The following ADAMTS15 variants were observed in gnomAD, a reference collection of about 807,000 sequenced individuals.
ADAMTS15 encodes ADAM metallopeptidase with thrombospondin type 1 motif 15.
ADAMTS15 carries 35 observed loss-of-function variants against 79.1 expected under a neutral mutation model. That is an observed-to-expected ratio of 0.44 (90% CI 0.34 to 0.59). The LOEUF is 0.59. ADAMTS15 is among the 20% of genes least tolerant of loss of function. The pLI is 0.02. For synonymous variants in ADAMTS15, 616 were observed against 567.3 expected (o/e 1.09, Z -1.22); for missense variants, 1,324 against 1,318.7 (o/e 1.00, Z -0.06).
At chr11:130,454,847 G>A (rs952646905) in intron 1 of ADAMTS15, among the ~76,000 whole-genome samples, 4 of 152,140 alleles carry the variant, frequency 2.6e-5, no homozygotes, top group Non-Finnish European at 2.9e-5. Flanking sequence ...ATTTTTAACC[G>A]CTGGTCTAGT....
At chr11:130,469,241 A>G (rs1938371116) in intron 4 of ADAMTS15, 21 bp from the exon 5 acceptor site, 2 of 1,380,552 alleles carry the variant, frequency 1.4e-6, no homozygotes, top group Admixed American at 3.0e-5. Flanking sequence ...ACCAAGGAAT[A>G]TAACAGGCTC....
intron 1 of ADAMTS15, among the ~76,000 whole-genome samples, chr11:130,452,850 T>A (rs35318726): frequency 1.3e-5 from 2 of 151,372 alleles, no homozygotes; most frequent in South Asian, 2.1e-4. Context: ...GCGTGGTGGC[T>A]CACGCCTGTA....
In ADAMTS15 at chr11:130,470,119, CATATATATATATACATATATAT is replaced by C. The variant is rs1565397433; in HGVS notation, c.1720+691_1720+712del. 4.4e-4 allele frequency among the ~76,000 whole-genome samples: 28 copies of C among 64,022 alleles called. 5 individuals are homozygous for C. The highest frequency in any genetic ancestry group is 9.8e-3 in the Middle Eastern group (1 of 102). 42.0% of individuals were successfully genotyped at this position (64,022 alleles called of 152,430 possible). On this transcript the variant is annotated intron_variant, in intron 5 of 7. Transcript: ENST00000299164. ...GTAGTTATCAGGTTCATTACTGAAT[CATATATATATATACATATATAT>C]ATATATATATGTGTATATATATATA...
In ADAMTS15 at chr11:130,450,774, C is replaced by T. The variant is rs1937947517; in HGVS notation, c.957+844C>T. ...GATGTATACTACAGAGCAGAGCGGG[C>T]ATGCTTGCTCCTGCTCCCAAGTCAC... On this transcript the variant is annotated intron_variant, in intron 1 of 7. Coordinates refer to ENST00000299164, the MANE Select transcript of ADAMTS15 (RefSeq NM_139055.4). 2.0e-5 allele frequency among the ~76,000 whole-genome samples: 3 copies of T among 152,168 alleles called. No individual in the cohort carries two copies. In the South Asian group the frequency reaches 6.2e-4, roughly 32 times the overall value.
Position 130,469,356 on chromosome 11 carries a change from C to T in ADAMTS15, c.1637C>T (p.Pro546Leu), listed in dbSNP as rs1246620544. Residue 546 changes from proline (P) to leucine (L), a missense_variant, in exon 5 of 8, where the codon CCC becomes CTC. Physicochemically the swap from Pro to Leu is moderately conservative, Grantham distance 98. Transcript: ENST00000299164. ...VQLARRQCTN[P>L]TPANGGKYCE... is the part of the protein sequence containing the mutation. ...CTGGCCAGGAGGCAGTGCACCAACC[C>T]CACCCCTGCCAACGGGGGCAAGTAC... 3.7e-6 allele frequency: 5 copies of T among 1,358,782 alleles called. No homozygotes were observed. The highest frequency in any genetic ancestry group is 3.0e-5 in the Admixed American group (1 of 32,998). 84.2% of individuals were successfully genotyped at this position (1,358,782 alleles called of 1,614,324 possible).
chr11:130,473,425 T>C lies in ADAMTS15; in HGVS notation c.2457T>C (p.Ser819=). 1.2e-6 allele frequency: 2 copies of C among 1,612,804 alleles called. No homozygotes were observed. Among genetic ancestry groups the C allele is most frequent in the Non-Finnish European group, 1.7e-6 (2 of 1,179,984 alleles). The part of the protein sequence containing the change: ...SSHPKDPRGP[S]VLHNSVLSLS... ...ATCCCAAGGACCCCCGGGGACCCTC[T>C]GTCTTGCACAACAGCGTCCTCAGCC... The change falls in exon 8 of 8, where the codon TCT becomes TCC. Residue 819 remains serine (S), a synonymous_variant. Coordinates refer to ENST00000299164, the MANE Select transcript of ADAMTS15 (RefSeq NM_139055.4).
Position 130,469,394 on chromosome 11 carries a change from A to C in ADAMTS15, c.1675A>C (p.Arg559=), listed in dbSNP as rs749860590. The change falls in exon 5 of 8, where the codon AGG becomes CGG. Residue 559 remains arginine (R), a synonymous_variant. Coordinates refer to ENST00000299164, the MANE Select transcript of ADAMTS15 (RefSeq NM_139055.4). The part of the protein sequence containing the change: ...ANGGKYCEGV[R]VKYRSCNLEP... The stretch of plus-strand genomic sequence containing the variant: ...CGGGGGCAAGTACTGCGAGGGAGTG[A>C]GGGTGAAATACCGATCCTGCAATCT... 5.2e-6 allele frequency: 7 copies of C among 1,351,868 alleles called. No homozygotes were observed. Among genetic ancestry groups the C allele is most frequent in the Non-Finnish European group, 6.7e-6 (7 of 1,042,994 alleles). 83.7% of individuals were successfully genotyped at this position (1,351,868 alleles called of 1,614,324 possible). A position where few individuals can be genotyped will look rare whatever the true frequency, so the allele number is the denominator to read the frequency against.
intron 5 of ADAMTS15, among the ~76,000 whole-genome samples, chr11:130,470,131 T>TATATAC (rs1239990394): frequency 1.1e-5 from 1 of 87,678 alleles, no homozygotes; most frequent in African/African-American, 5.4e-5. Context: ...TATATATATA[T>TATATAC]ACATATATAT....
In ADAMTS15 at chr11:130,462,881, C is replaced by G; in HGVS notation, c.1542+101C>G. ...GTCTTCACCAGGAAGGTGCCTATCA[C>G]AGACTGGCCACGGGACCAGCACTGT... On this transcript the variant is annotated intron_variant, in intron 4 of 7. Coordinates refer to ENST00000299164, the MANE Select transcript of ADAMTS15 (RefSeq NM_139055.4). The surrounding 1 kb of genome is among the most constrained non-coding windows in gnomAD (Gnocchi z 4.3). 6.8e-7 allele frequency: 1 copy of G among 1,478,266 alleles called. No homozygotes were observed. Among genetic ancestry groups the G allele is most frequent in the South Asian group, 1.4e-5 (1 of 72,960 alleles). The allele number at this position is 1,478,266 out of a possible 1,614,324, so 91.6% of individuals were successfully genotyped here.
At chr11:130,458,399 A>G (rs1565392952) in intron 1 of ADAMTS15, among the ~76,000 whole-genome samples, 1 of 151,948 alleles carries the variant, frequency 6.6e-6, no homozygotes, top group Non-Finnish European at 1.5e-5. Context: ...GGGGAACAGG[A>G]CTCTGAATCT....
rs1938575880 is a variant in ADAMTS15, at chr11:130,475,922, G to A, written c.*2101G>A. On this transcript the variant is annotated 3_prime_UTR_variant, in exon 8 of 8. Coordinates refer to ENST00000299164, the MANE Select transcript of ADAMTS15 (RefSeq NM_139055.4). Reference sequence around the variant, plus strand: ...GGTGGGAAGAGAGGTGCCATCGGTAGGAGGCTGGCCTCCAGTAGAGGAGAG... The same window carrying A: ...GGTGGGAAGAGAGGTGCCATCGGTAAGAGGCTGGCCTCCAGTAGAGGAGAG... 1 of 152,306 alleles carries A rather than the reference G, an allele frequency of 6.6e-6. No individual in the cohort carries two copies. Among genetic ancestry groups the A allele is most frequent in the Non-Finnish European group, 1.5e-5 (1 of 68,114 alleles). The allele number at this position is 152,306 out of a possible 1,614,324, so 9.4% of individuals were successfully genotyped here.
chr11:130,460,097 A>T (rs1046390007), intron 1 of ADAMTS15, among the ~76,000 whole-genome samples: 1 of 152,226 alleles, frequency 6.6e-6, no homozygotes, highest in Non-Finnish European at 1.5e-5. Context: ...AACTATAGGC[A>T]TGAGCCTAGT....
In ADAMTS15 at chr11:130,449,568, G is replaced by A. The variant is rs1348878140; in HGVS notation, c.595G>A (p.Gly199Arg). ...TTACAAGCCGCGGCGGGCGGGCTTCGGGGAGAGTCGTAGCCGGCGCAGGTC... is the reference window on the plus strand; with the variant it reads ...TTACAAGCCGCGGCGGGCGGGCTTCAGGGAGAGTCGTAGCCGGCGCAGGTC... ...DPYKPRRAGF[G>R]ESRSRRRSGR... The change falls in exon 1 of 8, where the codon GGG becomes AGG. Residue 199 changes from glycine to arginine, a missense_variant. Transcript: ENST00000299164. The surrounding 1 kb of genome is among the most constrained non-coding windows in gnomAD (Gnocchi z 7.8). The A allele has an allele frequency of 1.3e-6, 2 of 1,589,394 alleles. No homozygotes were observed. Among genetic ancestry groups the A allele is most frequent in the East Asian group, 2.3e-5 (1 of 44,286 alleles).
chr11:130,473,975 C>A lies in ADAMTS15; in HGVS notation c.*154C>A. Reference sequence around the variant, plus strand: ...GGACCATGGGCTGGGGCGAGAGGTTCCCTCCTCCTCCCTGGACTGGGCAGA... The same window carrying A: ...GGACCATGGGCTGGGGCGAGAGGTTACCTCCTCCTCCCTGGACTGGGCAGA... On this transcript the variant is annotated 3_prime_UTR_variant, in exon 8 of 8. Transcript: ENST00000299164. 3 of 1,048,116 alleles carry A rather than the reference C, an allele frequency of 2.9e-6. No homozygotes were observed. The highest frequency in any genetic ancestry group is 4.0e-6 in the Non-Finnish European group (3 of 745,752). 64.9% of individuals were successfully genotyped at this position (1,048,116 alleles called of 1,614,324 possible).
At chr11:130,450,031 G>A in intron 1 of ADAMTS15, 101 bp downstream of exon 1, 1 of 1,519,842 alleles carries the variant, frequency 6.6e-7, no homozygotes, top group Non-Finnish European at 8.8e-7. Context: ...ATGCCTCCGA[G>A]TTTAAACCTC....
chr11:130,449,249 C>A lies in ADAMTS15; in HGVS notation c.276C>A (p.Thr92=), dbSNP rs761440461. ...EHLGVPLQGL[T]GGSSDLRRCF... ...TGGGCGTCCCCCTCCAGGGGCTCAC[C>A]GGGGGCTCTTCAGACCTGCGACGCT... is the stretch of plus-strand genomic sequence containing the variant. Residue 92 remains threonine (T), a synonymous_variant, in exon 1 of 8, where the codon ACC becomes ACA. Transcript: ENST00000299164. The surrounding 1 kb of genome is among the most constrained non-coding windows in gnomAD (Gnocchi z 7.8). 9 of 1,613,534 alleles carry A rather than the reference C, an allele frequency of 5.6e-6. No individual in the cohort carries two copies. Among genetic ancestry groups the A allele is most frequent in the Non-Finnish European group, 3.4e-6 (4 of 1,180,024 alleles).
Position 130,462,544 on chromosome 11 carries a change from G to C in ADAMTS15, c.1306G>C (p.Asp436His). Residue 436 changes from aspartate to histidine, a missense_variant, in exon 4 of 8, where the codon GAT (aspartate) becomes CAT (histidine). Transcript: ENST00000299164. The surrounding 1 kb of genome is among the most constrained non-coding windows in gnomAD (Gnocchi z 4.3). ...CAGCAAGCCCATCTCCCTGCCCGAG[G>C]ATCTGCCGGGCGCCAGCTACACCCT... Reference protein sequence around the residue: ...QPSKPISLPEDLPGASYTLSQ... With the variant: ...QPSKPISLPEHLPGASYTLSQ... 3.7e-6 allele frequency: 6 copies of C among 1,610,778 alleles called. No homozygotes were observed. The highest frequency in any genetic ancestry group is 5.1e-6 in the Non-Finnish European group (6 of 1,177,860).
At chr11:130,471,912 C>A (rs1174478843) in intron 7 of ADAMTS15, among the ~76,000 whole-genome samples, 1 of 152,372 alleles carries the variant, frequency 6.6e-6, no homozygotes, top group African/African-American at 2.4e-5. Context: ...CTCCCTGGGC[C>A]TGAGGCCCTG....
intron 5 of ADAMTS15, 84 bp from the exon 6 acceptor site, chr11:130,470,836 A>G (rs1226851749): frequency 6.8e-6 from 10 of 1,468,792 alleles, no homozygotes; most frequent in South Asian, 1.3e-5. Flanking sequence ...TAAGAGAGCC[A>G]CGGCAGGCTG....
Sources: allele counts gnomAD v4.1 joint callset (sites outside exome capture counted in the v4.1 genomes callset), GRCh38; gene constraint gnomAD v4.1.1; non-coding constraint Gnocchi (gnomAD v3.1); transcripts MANE v1.5; gene names NCBI Gene and HGNC (gene_info 2026-07-23, HGNC 2026-07-21).